The following MCTP1 variants were observed in gnomAD, a reference collection of about 807,000 sequenced individuals.
The protein encoded by MCTP1 is multiple C2 and transmembrane domain-containing protein 1.
Under a neutral mutation model 120.6 loss-of-function variants are expected in MCTP1, and 69 were observed. The ratio of observed to expected loss-of-function variants is 0.57; its 90% CI spans 0.47 to 0.70. MCTP1 has a LOEUF of 0.70. Ranked by LOEUF, MCTP1 falls within the 30% of genes least tolerant of loss-of-function variation. The pLI is 0.00. For missense variants in MCTP1, 1,203 were observed against 1,248.8 expected, an observed-to-expected ratio of 0.96 and a Z score of 0.55; for synonymous variants, 529 against 493.1, an observed-to-expected ratio of 1.07 and a Z score of -0.96.
At chr5:94,828,459 C>T (rs1365041351) in intron 17 of MCTP1, among the ~76,000 whole-genome samples, 1 of 152,228 alleles carries the variant, frequency 6.6e-6, no homozygotes, top group African/African-American at 2.4e-5. Context: ...AGCAGACTGT[C>T]CCTTGGCAGA....
chr5:95,214,723 G>C (rs1480726265), intron 1 of MCTP1, among the ~76,000 whole-genome samples: 1 of 152,038 alleles, frequency 6.6e-6, no homozygotes, highest in African/African-American at 2.4e-5. Context: ...TAGGGACATG[G>C]ATGAAGCTGG....
intron 17 of MCTP1, among the ~76,000 whole-genome samples, chr5:94,817,636 G>A (rs550704143): frequency 2.3e-4 from 35 of 152,032 alleles, no homozygotes; most frequent in Non-Finnish European, 4.0e-4. Context: ...TCAATTCTAG[G>A]TATATTGTAG....
chr5:94,835,990 C>T (rs192166190), intron 17 of MCTP1, among the ~76,000 whole-genome samples: 120 of 151,784 alleles, frequency 7.9e-4, no homozygotes, highest in African/African-American at 2.8e-3. Flanking sequence ...GGCGACAGAG[C>T]GAGACTCCAT....
intron 19 of MCTP1, among the ~76,000 whole-genome samples, chr5:94,716,045 G>GC (rs1215869315): frequency 1.3e-5 from 2 of 152,174 alleles, no homozygotes. Context: ...CTGGCCTCCC[G>GC]CCACCTCAGA....
intron 17 of MCTP1, among the ~76,000 whole-genome samples, chr5:94,820,891 T>C (rs1785484834): frequency 6.6e-6 from 1 of 152,220 alleles, no homozygotes; most frequent in South Asian, 2.1e-4. Flanking sequence ...CAATAGTTAT[T>C]GTGTCCCTGT....
intron 1 of MCTP1, among the ~76,000 whole-genome samples, chr5:95,095,206 G>A (rs1440534992): frequency 6.6e-6 from 1 of 150,944 alleles, no homozygotes; most frequent in African/African-American, 2.4e-5. Context: ...TGTATTTTTA[G>A]TAGAGACGGG....
intron 1 of MCTP1, among the ~76,000 whole-genome samples, chr5:95,058,088 A>AT (rs1294460282): frequency 2.0e-5 from 3 of 152,226 alleles, no homozygotes; most frequent in African/African-American, 7.2e-5. Context: ...CAACTCAGGA[A>AT]TTTTTACAGC....
chr5:94,719,928 G>A (rs939554315), intron 19 of MCTP1, among the ~76,000 whole-genome samples: 13 of 151,990 alleles, frequency 8.6e-5, no homozygotes, highest in African/African-American at 2.2e-4. Flanking sequence ...TCAGGTGTTC[G>A]AGACCAGCCT....
At chr5:95,123,843 G>T (rs1055196437) in intron 1 of MCTP1, among the ~76,000 whole-genome samples, 2 of 152,020 alleles carry the variant, frequency 1.3e-5, no homozygotes, top group African/African-American at 2.4e-5. Flanking sequence ...TAGAAACGGG[G>T]TTTCACCATA....
chr5:95,255,048 T>C (rs1227982562), intron 1 of MCTP1, among the ~76,000 whole-genome samples: 2 of 152,206 alleles, frequency 1.3e-5, no homozygotes, highest in Non-Finnish European at 2.9e-5. Context: ...TGTATGTATA[T>C]GTGTGTACAG....
At chr5:95,121,928 T>G (rs1435258470) in intron 1 of MCTP1, among the ~76,000 whole-genome samples, 1 of 112,720 alleles carries the variant, frequency 8.9e-6, no homozygotes, top group Non-Finnish European at 1.9e-5. Context: ...AAACTGGATA[T>G]CCATATGCAA....
At chr5:94,890,533 AC>A (rs1802352524) in intron 11 of MCTP1, among the ~76,000 whole-genome samples, 1 of 152,244 alleles carries the variant, frequency 6.6e-6, no homozygotes, top group South Asian at 2.1e-4. Context: ...ACAATCTTTT[AC>A]AGTCAATCAA....
intron 21 of MCTP1, 169 bp from the exon 22 acceptor site, chr5:94,708,778 T>C (rs1228054878): frequency 1.7e-5 from 9 of 544,426 alleles, no homozygotes; most frequent in African/African-American, 3.8e-5. Context: ...ACTGCTTTTT[T>C]TACTTGTACC....
chr5:95,040,889 G>A (rs1414397047), intron 1 of MCTP1, among the ~76,000 whole-genome samples: 1 of 152,152 alleles, frequency 6.6e-6, no homozygotes, highest in Non-Finnish European at 1.5e-5. Flanking sequence ...GTAGGTAGCT[G>A]TGGGAGTTGG....
At chr5:95,048,373 A>G (rs1037817881) in intron 1 of MCTP1, among the ~76,000 whole-genome samples, 1 of 152,156 alleles carries the variant, frequency 6.6e-6, no homozygotes, top group African/African-American at 2.4e-5. Flanking sequence ...TATAATGTCA[A>G]TTTGTCACTG....
intron 18 of MCTP1, among the ~76,000 whole-genome samples, chr5:94,782,082 A>G (rs527648216): frequency 6.6e-6 from 1 of 152,250 alleles, no homozygotes; most frequent in Admixed American, 6.5e-5. Context: ...TAGAAAATGG[A>G]GATGATAATA....
chr5:95,007,341 G>A (rs1477226276), intron 2 of MCTP1, among the ~76,000 whole-genome samples: 2 of 152,130 alleles, frequency 1.3e-5, no homozygotes, highest in Admixed American at 6.6e-5. Flanking sequence ...CCCAAGGATT[G>A]AAAACGAAGA....
intron 1 of MCTP1, among the ~76,000 whole-genome samples, chr5:95,265,972 T>A (rs1758850054): frequency 6.6e-6 from 1 of 152,152 alleles, no homozygotes; most frequent in Admixed American, 6.5e-5. Flanking sequence ...AAGAGTCTCA[T>A]ATAAGAATGC....
chr5:94,867,090 T>G (rs1214141838), intron 17 of MCTP1: 2 of 558,138 alleles, frequency 3.6e-6, no homozygotes, highest in Non-Finnish European at 5.4e-6. Flanking sequence ...TATCATTTTT[T>G]CTCATCAATG....
Sources: gnomAD v4.1 joint callset for allele counts (sites outside exome capture counted in the v4.1 genomes callset) on GRCh38, gnomAD v4.1.1 for gene constraint, MANE v1.5 for transcripts, NCBI Gene and HGNC (gene_info 2026-07-23, HGNC 2026-07-21) for gene names.